Variants in ZNF385D observed in about 807,000 individuals in gnomAD.
ZNF385D encodes zinc finger protein 385D.
A neutral mutation model predicts 35.8 loss-of-function variants in ZNF385D; 15 were observed. That is an observed-to-expected ratio of 0.42 (90% CI 0.28 to 0.64). The LOEUF is 0.64. Ranked by LOEUF, ZNF385D falls within the 30% of genes least tolerant of loss-of-function variation. The pLI, the probability that ZNF385D is intolerant of heterozygous loss-of-function variation, is 0.23. For synonymous variants in ZNF385D, 212 were observed against 186.8 expected, an observed-to-expected ratio of 1.13 and a Z score of -1.10; for missense variants, 474 against 494.6, an observed-to-expected ratio of 0.96 and a Z score of 0.39.
At position 21,624,567 on chromosome 3, in the gene ZNF385D, G is replaced by T. The variant is rs1427443257; in HGVS notation, c.165+40319C>A. Among the ~76,000 whole-genome samples, 4 of 152,030 alleles carry T rather than the reference G, an allele frequency of 2.6e-5. No individual in the cohort carries two copies. The East Asian group carries it at 7.7e-4, about 29-fold the overall frequency. ...TTATAATGACTGCTGGCAAGAATTG[G>T]ATTGGTGGAAATCCGGGCAGCTGGG... On this transcript the variant is annotated intron_variant, in intron 2 of 7. Transcript: ENST00000281523.
At position 21,691,708 on chromosome 3, in the gene ZNF385D, T is replaced by A. The variant is rs1038741242; in HGVS notation, c.23-26680A>T. Among the ~76,000 whole-genome samples the A allele has an allele frequency of 7.9e-5, 12 of 152,338 alleles. No homozygotes were observed. The East Asian group carries it at 2.3e-3, about 29-fold the overall frequency. On this transcript the variant is annotated intron_variant, in intron 1 of 7. Coordinates refer to ENST00000281523, the MANE Select transcript of ZNF385D (RefSeq NM_024697.3). ...CATTCATTCTCACAATACTGTTTTT[T>A]AAGTGATAACATGTTTACATAAAAT...
chr3:21,924,970 C>T (rs1310919693), intron 3 of ZNF385D, among the ~76,000 whole-genome samples: 1 of 151,984 alleles, frequency 6.6e-6, no homozygotes, highest in African/African-American at 2.4e-5. Flanking sequence ...CAGGACTTGA[C>T]TACTAAAACT....
chr3:22,257,966 A>G (rs1700400618), intron 2 of ZNF385D, among the ~76,000 whole-genome samples: 1 of 151,858 alleles, frequency 6.6e-6, no homozygotes, highest in Admixed American at 6.6e-5. Context: ...TCTTTTAACA[A>G]GTTGAGATTG....
At chr3:22,175,935 ATATT>A (rs1441910339) in intron 2 of ZNF385D, among the ~76,000 whole-genome samples, 1 of 149,386 alleles carries the variant, frequency 6.7e-6, no homozygotes, top group East Asian at 1.9e-4. Context: ...ATATAAAATC[ATATT>A]TATAACATTA....
chr3:22,347,820 C>A (rs1290302812), intron 2 of ZNF385D, among the ~76,000 whole-genome samples: 1 of 152,114 alleles, frequency 6.6e-6, no homozygotes, highest in Admixed American at 6.6e-5. Flanking sequence ...AAAAAACCTT[C>A]AATTTTGCAT....
chr3:21,945,418 C>A (rs1281434572), intron 3 of ZNF385D, among the ~76,000 whole-genome samples: 1 of 152,008 alleles, frequency 6.6e-6, no homozygotes, highest in East Asian at 1.9e-4. Flanking sequence ...CATAGAAGAG[C>A]AAACATTTTA....
At chr3:21,730,018 C>T (rs2068924303) in intron 1 of ZNF385D, among the ~76,000 whole-genome samples, 1 of 152,096 alleles carries the variant, frequency 6.6e-6, no homozygotes, top group Non-Finnish European at 1.5e-5. Context: ...AGAATGCTAC[C>T]ATCTAACTTT....
At chr3:21,687,084 G>C (rs2067128931) in intron 1 of ZNF385D, among the ~76,000 whole-genome samples, 1 of 152,158 alleles carries the variant, frequency 6.6e-6, no homozygotes, top group Admixed American at 6.6e-5. Context: ...ATATTGTCTG[G>C]AGAACAATAG....
chr3:21,545,915 G>T (rs759253581), intron 3 of ZNF385D, among the ~76,000 whole-genome samples: 2 of 152,108 alleles, frequency 1.3e-5, no homozygotes, highest in Non-Finnish European at 2.9e-5. Flanking sequence ...TGGTTGGGCT[G>T]GGCTTTAAAA....
At chr3:21,731,013 CT>C (rs1374260907) in intron 1 of ZNF385D, among the ~76,000 whole-genome samples, 2 of 152,194 alleles carry the variant, frequency 1.3e-5, no homozygotes, top group East Asian at 3.9e-4. Flanking sequence ...TCTAAGTAAA[CT>C]TTTGGGAATA....
intron 1 of ZNF385D, among the ~76,000 whole-genome samples, chr3:21,708,764 C>G (rs1416348764): frequency 6.6e-6 from 1 of 151,998 alleles, no homozygotes; most frequent in East Asian, 1.9e-4. Context: ...CTAAGAATTT[C>G]AACAGATTTG....
At chr3:21,584,971 CTTTAAA>C (rs527492749) in intron 2 of ZNF385D, among the ~76,000 whole-genome samples, 488 of 152,244 alleles carry the variant, frequency 3.2e-3, no homozygotes, top group African/African-American at 0.011. Context: ...TTTTGTATCT[CTTTAAA>C]TTTAAGAAAA....
intron 4 of ZNF385D, among the ~76,000 whole-genome samples, chr3:21,475,248 G>A (rs1575004561): frequency 6.6e-6 from 1 of 152,070 alleles, no homozygotes; most frequent in East Asian, 1.9e-4. Context: ...AATTACCTTT[G>A]CACCAACCTA....
At chr3:21,954,282 T>C (rs929405368) in intron 3 of ZNF385D, among the ~76,000 whole-genome samples, 12 of 152,020 alleles carry the variant, frequency 7.9e-5, no homozygotes, top group African/African-American at 2.9e-4. Context: ...TTAGGTGATG[T>C]TTGACCCACA....
chr3:22,005,787 A>G (rs1696163603), intron 3 of ZNF385D, among the ~76,000 whole-genome samples: 1 of 152,084 alleles, frequency 6.6e-6, no homozygotes, highest in Non-Finnish European at 1.5e-5. Context: ...ATACTAAGTG[A>G]TATTATTTTA....
At chr3:22,083,162 C>A (rs539338976) in intron 3 of ZNF385D, among the ~76,000 whole-genome samples, 37 of 152,288 alleles carry the variant, frequency 2.4e-4, no homozygotes, top group Admixed American at 1.4e-3. Flanking sequence ...AAAACCAAAG[C>A]GCCTCTTCTT....
intron 1 of ZNF385D, among the ~76,000 whole-genome samples, chr3:21,688,846 C>A (rs575367850): frequency 7.2e-4 from 109 of 152,218 alleles, no homozygotes; most frequent in African/African-American, 2.4e-3. Flanking sequence ...AAGAGCACAA[C>A]AGGATATCTG....
intron 3 of ZNF385D, among the ~76,000 whole-genome samples, chr3:21,805,796 A>G (rs1319381219): frequency 1.3e-5 from 2 of 152,160 alleles, no homozygotes; most frequent in African/African-American, 4.8e-5. Context: ...TCATAATGCA[A>G]TCCTAGTGAA....
chr3:22,085,866 C>G (rs954580007), intron 3 of ZNF385D, among the ~76,000 whole-genome samples: 4 of 152,156 alleles, frequency 2.6e-5, no homozygotes, highest in South Asian at 2.1e-4. Context: ...ATGATCAAGT[C>G]AGCTTCATCC....
Sources: gnomAD v4.1 joint callset for allele counts (sites outside exome capture counted in the v4.1 genomes callset) on GRCh38, gnomAD v4.1.1 for gene constraint, MANE v1.5 for transcripts, NCBI Gene and HGNC (gene_info 2026-07-23, HGNC 2026-07-21) for gene names.